The following NCKAP5 variants were observed in gnomAD, a reference collection of about 807,000 sequenced individuals.
NCKAP5 encodes the protein NCK associated protein 5.
In NCKAP5, 92 loss-of-function variants were observed where a neutral mutation model predicts 167.0. That is an observed-to-expected ratio of 0.55 (90% CI 0.47 to 0.66). The LOEUF is 0.66. NCKAP5 is among the 30% of genes least tolerant of loss of function. The pLI is 0.00. For missense variants in NCKAP5, 2,378 were observed against 2,315.0 expected (o/e 1.03, Z -0.56); for synonymous variants, 891 against 877.4 (o/e 1.02, Z -0.27).
chr2:133,641,046 G>A, the NCKAP5 span, among the ~76,000 whole-genome samples: 1 of 152,172 alleles, frequency 6.6e-6, no homozygotes, highest in South Asian at 2.1e-4. Flanking sequence ...CACAGCTATA[G>A]GTAGATAAAG....
At chr2:132,735,552 T>C (rs1473830565) in intron 16 of NCKAP5, among the ~76,000 whole-genome samples, 1 of 152,238 alleles carries the variant, frequency 6.6e-6, no homozygotes, top group Non-Finnish European at 1.5e-5. Context: ...TCTTTTCTTA[T>C]AAATTACCTA....
rs1411787573 is a variant in NCKAP5, at chr2:132,880,949, C to A, written c.580-2033G>T. Among the ~76,000 whole-genome samples, 4 of 152,218 alleles carry A rather than the reference C, an allele frequency of 2.6e-5. No individual in the cohort carries two copies. The East Asian group carries it at 7.7e-4, about 29-fold the overall frequency. On this transcript the variant is annotated intron_variant, in intron 8 of 19. Coordinates refer to ENST00000409261, the MANE Select transcript of NCKAP5 (RefSeq NM_207363.3). ...CACATGTGTTTCCTCATAACAAAGTCATTGTCTTGTACAATCACAGTATAG... is the reference window on the plus strand; with the variant it reads ...CACATGTGTTTCCTCATAACAAAGTAATTGTCTTGTACAATCACAGTATAG...
chr2:133,418,228 G>A (rs1044192059), intron 3 of NCKAP5, among the ~76,000 whole-genome samples: 1 of 152,140 alleles, frequency 6.6e-6, no homozygotes, highest in African/African-American at 2.4e-5. Context: ...TTGTCTTTGT[G>A]GCTAAGTGAT....
chr2:133,643,097 C>A, the NCKAP5 span, among the ~76,000 whole-genome samples: 9 of 152,064 alleles, frequency 5.9e-5, no homozygotes, highest in Non-Finnish European at 1.0e-4. Flanking sequence ...ATCCAAATCA[C>A]TCTGTCTTTG....
chr2:133,390,409 C>T (rs376027938), intron 3 of NCKAP5, among the ~76,000 whole-genome samples: 1 of 152,176 alleles, frequency 6.6e-6, no homozygotes, highest in Admixed American at 6.5e-5. Context: ...ACACACGACC[C>T]GATACCCTGG....
At chr2:132,760,303 TA>T (rs1433436109) in intron 16 of NCKAP5, among the ~76,000 whole-genome samples, 1 of 152,148 alleles carries the variant, frequency 6.6e-6, no homozygotes, top group East Asian at 1.9e-4. Context: ...AATTTATTAT[TA>T]TTTTTTTCTA....
intron 4 of NCKAP5, among the ~76,000 whole-genome samples, chr2:133,293,295 A>G (rs1008896232): frequency 2.0e-5 from 3 of 152,230 alleles, no homozygotes; most frequent in African/African-American, 7.2e-5. Context: ...ATAGAAAGTG[A>G]GTGCAGAGTT....
intron 11 of NCKAP5, among the ~76,000 whole-genome samples, chr2:132,800,092 T>G (rs1434593292): frequency 6.6e-6 from 1 of 152,204 alleles, no homozygotes; most frequent in Non-Finnish European, 1.5e-5. Flanking sequence ...TCACTTTTTA[T>G]ACTGATACTA....
At chr2:133,156,515 T>C (rs977921350) in intron 5 of NCKAP5, among the ~76,000 whole-genome samples, 1 of 152,170 alleles carries the variant, frequency 6.6e-6, no homozygotes, top group Non-Finnish European at 1.5e-5. Flanking sequence ...TGTATATGCC[T>C]TTCATATACA....
At chr2:132,991,758 A>G (rs1282884556) in intron 7 of NCKAP5, among the ~76,000 whole-genome samples, 1 of 152,164 alleles carries the variant, frequency 6.6e-6, no homozygotes, top group African/African-American at 2.4e-5. Flanking sequence ...AAATCTTGCA[A>G]GTTGGAAAAT....
the NCKAP5 span, among the ~76,000 whole-genome samples, chr2:133,651,654 C>A: frequency 1.3e-5 from 2 of 152,156 alleles, no homozygotes; most frequent in African/African-American, 2.4e-5. Flanking sequence ...CCAGCAATCC[C>A]ACTTTTCTGT....
intron 3 of NCKAP5, among the ~76,000 whole-genome samples, chr2:133,421,152 T>C (rs536337630): frequency 1.3e-5 from 2 of 152,310 alleles, no homozygotes; most frequent in East Asian, 3.9e-4. Context: ...TGCTGTCTGT[T>C]GGCATTTTCT....
At chr2:133,395,822 T>A (rs1166076600) in intron 3 of NCKAP5, among the ~76,000 whole-genome samples, 1 of 152,280 alleles carries the variant, frequency 6.6e-6, no homozygotes, top group South Asian at 2.1e-4. Context: ...TTTTAAATTT[T>A]TTTTGTAGAG....
chr2:133,288,239 CA>C (rs562578601), intron 4 of NCKAP5, among the ~76,000 whole-genome samples: 141 of 152,224 alleles, frequency 9.3e-4, no homozygotes, highest in African/African-American at 3.3e-3. Context: ...ATCTTGGGGA[CA>C]AATGGTCCCA....
chr2:132,994,846 G>T (rs2077547709), intron 6 of NCKAP5, among the ~76,000 whole-genome samples: 1 of 152,162 alleles, frequency 6.6e-6, no homozygotes, highest in South Asian at 2.1e-4. Context: ...TACACAACTA[G>T]GCTATATTGT....
intron 3 of NCKAP5, among the ~76,000 whole-genome samples, chr2:133,477,627 AACT>A (rs369410189): frequency 3.3e-5 from 5 of 152,336 alleles, no homozygotes; most frequent in Middle Eastern, 3.4e-3. Context: ...GATTAACAGT[AACT>A]ACTAATAAAA....
At chr2:133,238,173 C>A (rs1025121363) in intron 4 of NCKAP5, among the ~76,000 whole-genome samples, 1 of 152,200 alleles carries the variant, frequency 6.6e-6, no homozygotes, top group Non-Finnish European at 1.5e-5. Flanking sequence ...TATATGAGCA[C>A]ACCTATTTTA....
At chr2:133,403,477 G>C (rs987316638) in intron 3 of NCKAP5, among the ~76,000 whole-genome samples, 3 of 152,180 alleles carry the variant, frequency 2.0e-5, no homozygotes, top group African/African-American at 7.2e-5. Flanking sequence ...GTTTTATTGA[G>C]TTTTGAAAAT....
intron 11 of NCKAP5, among the ~76,000 whole-genome samples, chr2:132,830,689 AG>A (rs781159522): frequency 1.3e-5 from 2 of 152,184 alleles, no homozygotes; most frequent in Non-Finnish European, 2.9e-5. Context: ...GGGAGTGACA[AG>A]GGTCCCTTCT....
Sources: allele counts gnomAD v4.1 joint callset (sites outside exome capture counted in the v4.1 genomes callset), GRCh38; gene constraint gnomAD v4.1.1; transcripts MANE v1.5; gene names NCBI Gene and HGNC (gene_info 2026-07-23, HGNC 2026-07-21).